INTS14: variants seen among roughly 807,000 people sequenced by gnomAD.
INTS14 encodes UPF0464 protein C15orf44.
In INTS14, 27 loss-of-function variants were observed where a neutral mutation model predicts 56.9. The observed-to-expected ratio is 0.47, with a 90% confidence interval of 0.35 to 0.65. The LOEUF (loss-of-function observed/expected upper bound fraction) is 0.65, where lower values mean the gene tolerates loss of function less well. INTS14 is among the 30% of genes least tolerant of loss of function. The pLI is 0.00. For missense variants in INTS14, 517 were observed against 632.2 expected, an observed-to-expected ratio of 0.82 and a Z score of 1.95; for synonymous variants, 207 against 236.2, an observed-to-expected ratio of 0.88 and a Z score of 1.13.
chr15:65,607,357 A>G lies in INTS14; in HGVS notation c.24T>C (p.Asp8=). ...CAGGTCGGGTCATGGAAAGGGATAC[A>G]TCCATTACCACCACTGTCGGCATGA... MPTVVVM[D]VSLSMTRPVS... The change falls in exon 2 of 12, where the codon GAT becomes GAC. Residue 8 remains aspartate, a synonymous_variant. Transcript: ENST00000313182. The G allele has an allele frequency of 6.2e-7, 1 of 1,614,232 alleles. No homozygotes were observed. The highest frequency in any genetic ancestry group is 1.3e-5 in the African/African-American group (1 of 75,064).
At chr15:65,610,372 T>G (rs1335674261) in intron 1 of INTS14, among the ~76,000 whole-genome samples, 2 of 151,982 alleles carry the variant, frequency 1.3e-5, no homozygotes. Context: ...TGGGGGGGAA[T>G]CCCTGCCCAC....
Position 65,591,748 on chromosome 15 carries a change from C to CG in INTS14, c.987-18dup, listed in dbSNP as rs764162892. 1.2e-6 allele frequency: 2 copies of CG among 1,612,394 alleles called. No individual in the cohort carries two copies. Among genetic ancestry groups the CG allele is most frequent in the East Asian group, 4.5e-5 (2 of 44,848 alleles). ...CATTCAGGACTAGATGGAGAGAAGA[C>CG]GGAAGATCAGAAGAACATCAAGCCT... is the stretch of plus-strand genomic sequence containing the variant. On this transcript the variant is annotated splice_polypyrimidine_tract_variant and intron_variant, in intron 8 of 11. Coordinates refer to ENST00000313182, the MANE Select transcript of INTS14 (RefSeq NM_001394796.1).
intron 1 of INTS14, among the ~76,000 whole-genome samples, chr15:65,610,383 C>G (rs2073859727): frequency 6.6e-6 from 1 of 152,098 alleles, no homozygotes; most frequent in African/African-American, 2.4e-5. Context: ...CCCTGCCCAC[C>G]ACAGTCTACC....
intron 5 of INTS14, 127 bp from the exon 6 acceptor site, chr15:65,598,590 A>G: frequency 9.6e-7 from 1 of 1,037,770 alleles, no homozygotes; most frequent in South Asian, 1.8e-5. Flanking sequence ...TCTGTAAAAC[A>G]GAACAAAATC....
intron 1 of INTS14, among the ~76,000 whole-genome samples, chr15:65,608,364 C>CAAAAAAAAAAAAAAAAAA (rs35399300): frequency 1.6e-5 from 1 of 64,058 alleles, no homozygotes; most frequent in African/African-American, 6.1e-5. Flanking sequence ...GGCTCCATCT[C>CAAAAAAAAAAAAAAAAAA]AAAAAAAAAA....
chr15:65,607,023 T>C, intron 2 of INTS14, 136 bp downstream of exon 2: 1 of 1,094,316 alleles, frequency 9.1e-7, no homozygotes. Flanking sequence ...GAATTCTTGC[T>C]GTTTAGTTAC....
chr15:65,594,478 C>T (rs779255353), intron 7 of INTS14, among the ~76,000 whole-genome samples: 47 of 151,138 alleles, frequency 3.1e-4, no homozygotes, highest in Non-Finnish European at 5.5e-4. Context: ...CTGCAAACTC[C>T]GCCTCCCAGG....
intron 4 of INTS14, 35 bp downstream of exon 4, chr15:65,599,739 C>A: frequency 6.2e-7 from 1 of 1,605,240 alleles, no homozygotes; most frequent in Non-Finnish European, 8.5e-7. Context: ...GTAAAATATG[C>A]CTAATCAAAC....
intron 11 of INTS14, among the ~76,000 whole-genome samples, chr15:65,581,547 C>CAAAAAAAAA (rs57782914): frequency 2.3e-4 from 11 of 47,772 alleles, no homozygotes; most frequent in African/African-American, 9.2e-4. Context: ...GACTCCATCT[C>CAAAAAAAAA]AAAAAAAAAA....
In INTS14 at chr15:65,593,133, G is replaced by A. The variant is rs73486728; in HGVS notation, c.986+295C>T. ...AAAAAAATTAGCCAGGCATGGTGGT[G>A]CACACCTGGGTCATGGCTACTTGGA... On this transcript the variant is annotated intron_variant, in intron 8 of 11. Transcript: ENST00000313182. 8.8e-3 allele frequency among the ~76,000 whole-genome samples: 1,334 copies of A among 151,808 alleles called. 24 individuals are homozygous for A. The highest frequency in any genetic ancestry group is 0.031 in the African/African-American group (1,283 of 41,366).
At chr15:65,593,293 T>G (rs1596248819) in intron 8 of INTS14, 135 bp downstream of exon 8, 2 of 1,092,404 alleles carry the variant, frequency 1.8e-6, no homozygotes, top group East Asian at 2.5e-5. Context: ...TAGTAGCAGG[T>G]GGGAAAAGTG....
intron 9 of INTS14, among the ~76,000 whole-genome samples, chr15:65,586,195 A>G (rs1328258552): frequency 6.6e-6 from 1 of 152,238 alleles, no homozygotes; most frequent in Non-Finnish European, 1.5e-5. Context: ...CTTACAGAAT[A>G]AAGAATATTT....
chr15:65,581,379 C>G (rs2072608082), intron 11 of INTS14, among the ~76,000 whole-genome samples: 1 of 135,760 alleles, frequency 7.4e-6, no homozygotes. Flanking sequence ...GACTCTGTCT[C>G]AAAAACAAAA....
chr15:65,603,486 AT>A (rs199670203), intron 3 of INTS14, among the ~76,000 whole-genome samples: 1 of 151,710 alleles, frequency 6.6e-6, no homozygotes, highest in African/African-American at 2.4e-5. Flanking sequence ...CTACAATCTT[AT>A]TTTTTTTAAG....
chr15:65,579,590 T>C lies in INTS14; in HGVS notation c.1375A>G (p.Met459Val), dbSNP rs1596226149. 1 of 1,614,148 alleles carries C rather than the reference T, an allele frequency of 6.2e-7. No individual in the cohort carries two copies. The highest frequency in any genetic ancestry group is 8.5e-7 in the Non-Finnish European group (1 of 1,180,028). Residue 459 changes from methionine to valine, a missense_variant, in exon 12 of 12, where the codon ATG becomes GTG. Met to Val is a conservative substitution (Grantham distance 21, BLOSUM62 1). Transcript: ENST00000313182. ...FLDLLKGVADMLERECTLLPE... is the reference protein window; with the variant it reads ...FLDLLKGVADVLERECTLLPE... ...AGCAGTGTGCATTCCCTTTCCAGCATGTCAGCCACCCCTTTCAGCAGGTCC... is the reference window on the plus strand; with the variant it reads ...AGCAGTGTGCATTCCCTTTCCAGCACGTCAGCCACCCCTTTCAGCAGGTCC...
intron 5 of INTS14, 26 bp downstream of exon 5, chr15:65,598,846 C>T: frequency 3.9e-6 from 6 of 1,540,450 alleles, no homozygotes; most frequent in Non-Finnish European, 5.4e-6. Flanking sequence ...GTAAAGAAGG[C>T]AAAAGAGCTC....
chr15:65,598,622 T>G (rs2073305814), intron 5 of INTS14, 159 bp from the exon 6 acceptor site: 5 of 892,238 alleles, frequency 5.6e-6, no homozygotes, highest in African/African-American at 1.7e-5. Flanking sequence ...GTGAGGAAAT[T>G]TCAATTCTGA....
At chr15:65,582,941 A>C (rs2072678477) in intron 10 of INTS14, among the ~76,000 whole-genome samples, 1 of 152,218 alleles carries the variant, frequency 6.6e-6, no homozygotes, top group Admixed American at 6.5e-5. Flanking sequence ...ACAGGAAAAG[A>C]TGCACATTAT....
At position 65,593,415 on chromosome 15, in the gene INTS14, C is replaced by G. The variant is rs1285088053; in HGVS notation, c.986+13G>C. The stretch of plus-strand genomic sequence containing the variant: ...TCCCTTTCATTCAACCAAATGTAAA[C>G]AAAGTTTCCTACCCTAATTGAACAA... On this transcript the variant is annotated intron_variant, in intron 8 of 11. Coordinates refer to ENST00000313182, the MANE Select transcript of INTS14 (RefSeq NM_001394796.1). 1.9e-6 allele frequency: 3 copies of G among 1,598,138 alleles called. No homozygotes were observed. The highest frequency in any genetic ancestry group is 2.6e-6 in the Non-Finnish European group (3 of 1,172,628).
Sources: gnomAD v4.1 joint callset for allele counts (sites outside exome capture counted in the v4.1 genomes callset) on GRCh38, gnomAD v4.1.1 for gene constraint, MANE v1.5 for transcripts, NCBI Gene and HGNC (gene_info 2026-07-23, HGNC 2026-07-21) for gene names.